Variants in NFS1 observed in about 807,000 individuals in gnomAD.
NFS1 encodes cysteine desulfurase.
NFS1 carries 26 observed loss-of-function variants against 57.3 expected under a neutral mutation model. That is an observed-to-expected ratio of 0.45 (90% CI 0.33 to 0.63). The LOEUF (loss-of-function observed/expected upper bound fraction) is 0.63, where lower values mean the gene tolerates loss of function less well. Ranked by LOEUF, NFS1 falls within the 20% of genes least tolerant of loss-of-function variation. The pLI is 0.02. For synonymous variants in NFS1, 209 were observed against 216.3 expected (o/e 0.97, Z 0.30); for missense variants, 505 against 605.8 (o/e 0.83, Z 1.75).
intron 7 of NFS1, among the ~76,000 whole-genome samples, chr20:35,678,598 G>A (rs991042729): frequency 6.6e-6 from 1 of 151,818 alleles, no homozygotes; most frequent in East Asian, 1.9e-4. Context: ...AGCTACTCAG[G>A]AGGATGAGAG....
At chr20:35,675,530 A>G in intron 7 of NFS1, 1 of 305,902 alleles carries the variant, frequency 3.3e-6, no homozygotes, top group Non-Finnish European at 6.1e-6. Flanking sequence ...TCATCAGGGT[A>G]ATGGTCAAAT....
intron 1 of NFS1, 89 bp from the exon 2 acceptor site, chr20:35,698,679 G>A (rs1055143001): frequency 1.6e-5 from 23 of 1,480,430 alleles, no homozygotes; most frequent in Non-Finnish European, 2.0e-5. Context: ...AAATCTGGCT[G>A]GAGGTGAGAT....
In NFS1 at chr20:35,699,309, C is replaced by T. The variant is rs973749162; in HGVS notation, c.-21G>A. 67 of 1,396,926 alleles carry T rather than the reference C, an allele frequency of 4.8e-5. No homozygotes were observed. Among genetic ancestry groups the T allele is most frequent in the Middle Eastern group, 2.6e-4 (1 of 3,788 alleles). 86.5% of individuals were successfully genotyped at this position (1,396,926 alleles called of 1,614,324 possible). A position where few individuals can be genotyped will look rare whatever the true frequency, so the allele number is the denominator to read the frequency against. On this transcript the variant is annotated 5_prime_UTR_variant, in exon 1 of 13. In the 5' UTR this introduces an upstream ATG that the reference lacks. Coordinates refer to ENST00000374092, the MANE Select transcript of NFS1 (RefSeq NM_021100.5). The surrounding 1 kb of genome is among the most constrained non-coding windows in gnomAD (Gnocchi z 4.4). ...AGCATGGTCCCGCTGGCAGAGCCCA[C>T]CTTCCGAAGCCGCTGCAGTCCTGGG...
chr20:35,677,897 T>A (rs2034781256), intron 7 of NFS1, among the ~76,000 whole-genome samples: 1 of 152,028 alleles, frequency 6.6e-6, no homozygotes, highest in Non-Finnish European at 1.5e-5. Context: ...AACCTCTATC[T>A]CTACAAAAAC....
chr20:35,674,089 A>G (rs17336615), intron 10 of NFS1: 1 of 491,598 alleles, frequency 2.0e-6, no homozygotes, highest in Non-Finnish European at 3.6e-6. Flanking sequence ...CAGAACTGCT[A>G]GTGTAACCCA....
chr20:35,680,820 GC>G lies in NFS1; in HGVS notation c.706del (p.Ala236LeufsTer12). 1 of 1,582,708 alleles carries G rather than the reference GC, an allele frequency of 6.3e-7. No homozygotes were observed. The highest frequency in any genetic ancestry group is 8.6e-7 in the Non-Finnish European group (1 of 1,165,932). On this transcript the variant is annotated frameshift_variant, in exon 7 of 13. Coordinates refer to ENST00000374092, the MANE Select transcript of NFS1 (RefSeq NM_021100.5). LOFTEE classifies it high-confidence loss of function. ...GACATCAAGTGGGATTTTTCCAACA[GC>G]CTGGGCTGCATCAGTATGGAAATAT... ...KVYFHTDAAQ[A>X]VGKIPLDVND...
intron 5 of NFS1, among the ~76,000 whole-genome samples, chr20:35,685,508 C>A (rs1000610222): frequency 7.1e-6 from 1 of 140,068 alleles, no homozygotes; most frequent in Non-Finnish European, 1.5e-5. Context: ...GGCAACAGAG[C>A]AAGACCATGT....
At chr20:35,674,212 A>G in intron 10 of NFS1, 138 bp downstream of exon 10, 1 of 740,250 alleles carries the variant, frequency 1.4e-6, no homozygotes, top group Non-Finnish European at 2.3e-6. Flanking sequence ...AACCAAAAAA[A>G]GAGAGGCACT....
chr20:35,687,704 C>A (rs1288934525), intron 5 of NFS1, among the ~76,000 whole-genome samples: 1 of 152,156 alleles, frequency 6.6e-6, no homozygotes, highest in Non-Finnish European at 1.5e-5. Flanking sequence ...GGGGAGAAAA[C>A]CCACCGACCC....
At chr20:35,696,610 T>C in intron 3 of NFS1, 150 bp from the exon 4 acceptor site, 1 of 601,558 alleles carries the variant, frequency 1.7e-6, no homozygotes. Flanking sequence ...AAGAATCAGA[T>C]TCTAGTTATA....
intron 5 of NFS1, among the ~76,000 whole-genome samples, chr20:35,689,087 G>A (rs1040639202): frequency 8.5e-5 from 13 of 152,188 alleles, no homozygotes; most frequent in African/African-American, 2.7e-4. Flanking sequence ...ATCAGTGCAG[G>A]GAAGGAGGAG....
chr20:35,687,439 T>C (rs536278569), intron 5 of NFS1, among the ~76,000 whole-genome samples: 40 of 152,216 alleles, frequency 2.6e-4, no homozygotes, highest in Non-Finnish European at 4.1e-4. Context: ...TCTCTCTCTC[T>C]GCCTTGGCTG....
chr20:35,674,301 C>G, intron 10 of NFS1, 49 bp downstream of exon 10: 1 of 1,456,270 alleles, frequency 6.9e-7, no homozygotes, highest in South Asian at 1.1e-5. Context: ...GCCTGTATGA[C>G]TCTTCTAAGT....
At chr20:35,693,224 T>C (rs2146436959) in intron 4 of NFS1, among the ~76,000 whole-genome samples, 1 of 152,170 alleles carries the variant, frequency 6.6e-6, no homozygotes, top group South Asian at 2.1e-4. Context: ...TGTCTCAGCC[T>C]CCCGAGTAGC....
chr20:35,669,532 G>A lies in NFS1; in HGVS notation c.*90C>T. 1 of 1,128,860 alleles carries A rather than the reference G, an allele frequency of 8.9e-7. No homozygotes were observed. Among genetic ancestry groups the A allele is most frequent in the Non-Finnish European group, 1.4e-6 (1 of 739,832 alleles). The allele number at this position is 1,128,860 out of a possible 1,614,324, so 69.9% of individuals were successfully genotyped here. On this transcript the variant is annotated 3_prime_UTR_variant, in exon 13 of 13. Transcript: ENST00000374092. The stretch of plus-strand genomic sequence containing the variant: ...GTCAACTGGTCTATACCAATCTAGA[G>A]CATCCACTAGGTGTAACAAGGTGTC...
At chr20:35,692,384 A>C (rs753603348) in intron 4 of NFS1, 1 of 197,720 alleles carries the variant, frequency 5.1e-6, no homozygotes, top group South Asian at 7.4e-5. Context: ...AAAATAAATA[A>C]ATAAATTAAT....
chr20:35,687,024 C>A (rs138380678), intron 5 of NFS1, among the ~76,000 whole-genome samples: 185 of 152,306 alleles, frequency 1.2e-3, no homozygotes, highest in African/African-American at 4.0e-3. Flanking sequence ...GACAGGGCCA[C>A]CAGAGGGCTC....
In NFS1 at chr20:35,677,881, T is replaced by C. The variant is rs138864508; in HGVS notation, c.791-2679A>G. 1.1e-3 allele frequency among the ~76,000 whole-genome samples: 171 copies of C among 152,034 alleles called. 2 individuals carry two copies. The East Asian group carries it at 0.028, about 25-fold the overall frequency. On this transcript the variant is annotated intron_variant, in intron 7 of 12. Coordinates refer to ENST00000374092, the MANE Select transcript of NFS1 (RefSeq NM_021100.5). ...GTCAGGAATTCAAGCCTGAGTAACA[T>C]AGTGAAACCTCTATCTCTACAAAAA...
chr20:35,698,437 C>A (rs375823036), intron 2 of NFS1, 44 bp downstream of exon 2: 3 of 1,385,444 alleles, frequency 2.2e-6, no homozygotes, highest in Admixed American at 2.1e-5. Context: ...TCACGCCCAT[C>A]ATTTACTTCC....
Sources: allele counts gnomAD v4.1 joint callset (sites outside exome capture counted in the v4.1 genomes callset), GRCh38; gene constraint gnomAD v4.1.1; non-coding constraint Gnocchi (gnomAD v3.1); transcripts MANE v1.5; gene names NCBI Gene and HGNC (gene_info 2026-07-23, HGNC 2026-07-21).